Variants in BCKDHB observed in about 807,000 individuals in gnomAD.
BCKDHB encodes branched chain keto acid dehydrogenase E1 subunit beta, also known as 2-oxoisovalerate dehydrogenase subunit beta, mitochondrial.
A neutral mutation model predicts 48.5 loss-of-function variants in BCKDHB; 41 were observed. The ratio of observed to expected loss-of-function variants is 0.85; its 90% CI spans 0.66 to 1.10. The LOEUF is 1.10. Ranked by LOEUF, BCKDHB falls within the 50% of genes least tolerant of loss-of-function variation. BCKDHB has a pLI of 0.00. For synonymous variants in BCKDHB, 201 were observed against 174.8 expected, an observed-to-expected ratio of 1.15 and a Z score of -1.18; for missense variants, 496 against 494.2, an observed-to-expected ratio of 1.00 and a Z score of -0.03.
At chr6:80,407,829 A>G in the BCKDHB span, among the ~76,000 whole-genome samples, 2 of 152,138 alleles carry the variant, frequency 1.3e-5, no homozygotes, top group Non-Finnish European at 2.9e-5. Context: ...CTCTTTTTCT[A>G]ATTGAATACC....
chr6:80,423,186 C>G, the BCKDHB span, among the ~76,000 whole-genome samples: 1 of 141,534 alleles, frequency 7.1e-6, no homozygotes. Flanking sequence ...GTTCCCTATG[C>G]TCTCTCTCTC....
At chr6:80,391,280 A>G in the BCKDHB span, among the ~76,000 whole-genome samples, 1 of 152,154 alleles carries the variant, frequency 6.6e-6, no homozygotes, top group Admixed American at 6.6e-5. Context: ...ATATGCCCAC[A>G]TCATAATCCC....
At chr6:80,358,524 T>C in the BCKDHB span, among the ~76,000 whole-genome samples, 3 of 152,330 alleles carry the variant, frequency 2.0e-5, no homozygotes, top group Non-Finnish European at 2.9e-5. Flanking sequence ...ATTCACACAA[T>C]GGAATATTAT....
At chr6:80,380,200 T>C in the BCKDHB span, among the ~76,000 whole-genome samples, 2 of 151,906 alleles carry the variant, frequency 1.3e-5, no homozygotes, top group Admixed American at 6.6e-5. Context: ...TACAAGGCCA[T>C]ACTAATAAAA....
chr6:80,270,422 T>C (rs1777687901), intron 8 of BCKDHB, among the ~76,000 whole-genome samples: 1 of 152,138 alleles, frequency 6.6e-6, no homozygotes, highest in Non-Finnish European at 1.5e-5. Context: ...AATCATTGTT[T>C]ATGATTGTGA....
chr6:80,133,361 C>T lies in BCKDHB; in HGVS notation c.343+4132C>T, dbSNP rs529961767. ...GGCATAGAGCATTTTGTATTCCAGA[C>T]GATCCAGATGAGTGTGGATTTAGTA... On this transcript the variant is annotated intron_variant, in intron 3 of 9. Coordinates refer to ENST00000320393, the MANE Select transcript of BCKDHB (RefSeq NM_183050.4). Among the ~76,000 whole-genome samples, 7 of 152,310 alleles carry T rather than the reference C, an allele frequency of 4.6e-5. No homozygotes were observed. The South Asian group carries it at 1.0e-3, about 23-fold the overall frequency.
the BCKDHB span, among the ~76,000 whole-genome samples, chr6:80,420,567 G>T: frequency 0.05 from 7,637 of 152,244 alleles, 583 homozygotes; most frequent in African/African-American, 0.16. Flanking sequence ...GAGATCCAAG[G>T]GCTCTTTGCT....
the BCKDHB span, among the ~76,000 whole-genome samples, chr6:80,384,471 G>C: frequency 4.8e-4 from 73 of 151,994 alleles, 1 homozygote; most frequent in African/African-American, 1.7e-3. Flanking sequence ...CAATTCTCCT[G>C]ACTCAGCCTC....
the BCKDHB span, among the ~76,000 whole-genome samples, chr6:80,410,791 A>G: frequency 6.6e-6 from 1 of 152,194 alleles, no homozygotes; most frequent in Admixed American, 6.5e-5. Flanking sequence ...TTTCAGCTCC[A>G]TCAGGTCATT....
At chr6:80,376,443 C>T in the BCKDHB span, among the ~76,000 whole-genome samples, 1 of 152,180 alleles carries the variant, frequency 6.6e-6, no homozygotes, top group South Asian at 2.1e-4. Flanking sequence ...ATACAAGCCT[C>T]CCAGCAGAGA....
intron 8 of BCKDHB, among the ~76,000 whole-genome samples, chr6:80,222,133 C>T (rs556983469): frequency 1.3e-5 from 2 of 152,248 alleles, no homozygotes; most frequent in South Asian, 2.1e-4. Flanking sequence ...TCCCTCCTTT[C>T]GGAGTCCCCA....
At chr6:80,314,182 C>T (rs749751824) in intron 9 of BCKDHB, among the ~76,000 whole-genome samples, 4 of 152,148 alleles carry the variant, frequency 2.6e-5, no homozygotes, top group Non-Finnish European at 5.9e-5. Flanking sequence ...ATTATGTGAT[C>T]CATTTTAGAG....
At chr6:80,150,094 T>C (rs750953997) in intron 3 of BCKDHB, among the ~76,000 whole-genome samples, 12 of 152,110 alleles carry the variant, frequency 7.9e-5, no homozygotes, top group Non-Finnish European at 1.8e-4. Context: ...CCACCAGTTG[T>C]CCCCAGTCTT....
At chr6:80,328,628 A>G (rs1393838325) in intron 9 of BCKDHB, among the ~76,000 whole-genome samples, 3 of 152,226 alleles carry the variant, frequency 2.0e-5, no homozygotes, top group Non-Finnish European at 2.9e-5. Flanking sequence ...GGGAAAACAA[A>G]TATACCCTCC....
the BCKDHB span, among the ~76,000 whole-genome samples, chr6:80,419,792 C>A: frequency 6.6e-6 from 1 of 152,176 alleles, no homozygotes; most frequent in Non-Finnish European, 1.5e-5. Flanking sequence ...GCACTGTAGT[C>A]CCATGAACGG....
the BCKDHB span, among the ~76,000 whole-genome samples, chr6:80,436,389 C>T: frequency 6.6e-6 from 1 of 151,912 alleles, no homozygotes; most frequent in East Asian, 1.9e-4. Context: ...GTCTCCATCT[C>T]CTGACCTCGT....
the BCKDHB span, among the ~76,000 whole-genome samples, chr6:80,383,627 TC>T: frequency 6.6e-6 from 1 of 151,966 alleles, no homozygotes. Context: ...AAATCCAAGT[TC>T]TTTTTTTTCA....
the BCKDHB span, among the ~76,000 whole-genome samples, chr6:80,370,132 G>C: frequency 6.6e-6 from 1 of 152,070 alleles, no homozygotes; most frequent in East Asian, 1.9e-4. Context: ...TTCAGAAAAT[G>C]AATCTTTTTG....
At chr6:80,243,144 G>C (rs1249468060) in intron 8 of BCKDHB, among the ~76,000 whole-genome samples, 1 of 152,184 alleles carries the variant, frequency 6.6e-6, no homozygotes, top group Non-Finnish European at 1.5e-5. Flanking sequence ...AAGGTACAGA[G>C]AGACAAAGTA....
Sources: gnomAD v4.1 joint callset for allele counts (sites outside exome capture counted in the v4.1 genomes callset) on GRCh38, gnomAD v4.1.1 for gene constraint, MANE v1.5 for transcripts, NCBI Gene and HGNC (gene_info 2026-07-23, HGNC 2026-07-21) for gene names.